Variants in FAT2 observed in about 807,000 individuals in gnomAD.
FAT2 encodes FAT atypical cadherin 2.
Under a neutral mutation model 295.3 loss-of-function variants are expected in FAT2, and 150 were observed. The ratio of observed to expected loss-of-function variants is 0.51; its 90% CI spans 0.44 to 0.58. The LOEUF is 0.58. FAT2 is among the 20% of genes least tolerant of loss of function. The probability of loss-of-function intolerance (pLI) is 0.00; values close to 1 mark genes in which losing one functional copy is unlikely to be tolerated. For missense variants in FAT2, 4,868 were observed against 5,442.7 expected, an observed-to-expected ratio of 0.89 and a Z score of 3.32; for synonymous variants, 2,026 against 2,150.3, an observed-to-expected ratio of 0.94 and a Z score of 1.60.
chr5:151,540,628 G>C lies in FAT2; in HGVS notation c.8978C>G (p.Ala2993Gly), dbSNP rs2127602433. 6.2e-7 allele frequency: 1 copy of C among 1,614,184 alleles called. No homozygotes were observed. Among genetic ancestry groups the C allele is most frequent in the Non-Finnish European group, 8.5e-7 (1 of 1,180,034 alleles). The change falls in exon 11 of 24, where the codon GCT becomes GGT. Residue 2993 changes from alanine to glycine, a missense_variant. Ala to Gly is a moderately conservative substitution (Grantham distance 60, BLOSUM62 0). Coordinates refer to ENST00000261800, the MANE Select transcript of FAT2 (RefSeq NM_001447.3). ...RVTASDGKFQ[A>G]SVTVEIFVLD... Reference sequence around the variant, plus strand: ...GACAAAGATCTCCACAGTGACCGAAGCCTGGAACTTGCCATCAGATGCTGT... The same window carrying C: ...GACAAAGATCTCCACAGTGACCGAACCCTGGAACTTGCCATCAGATGCTGT...
chr5:151,583,001 C>G (rs1166231747), intron 1 of FAT2, among the ~76,000 whole-genome samples: 1 of 152,162 alleles, frequency 6.6e-6, no homozygotes, highest in Non-Finnish European at 1.5e-5. Flanking sequence ...CTACACATAT[C>G]ACTGTCTGCA....
At chr5:151,532,422 A>C (rs2127592679) in intron 13 of FAT2, among the ~76,000 whole-genome samples, 1 of 151,444 alleles carries the variant, frequency 6.6e-6, no homozygotes, top group South Asian at 2.1e-4. Flanking sequence ...CACACACGCA[A>C]ATGAGTGCAT....
At chr5:151,529,121 G>GA in intron 15 of FAT2, 57 bp downstream of exon 15, 1 of 1,484,842 alleles carries the variant, frequency 6.7e-7, no homozygotes, top group South Asian at 1.1e-5. Flanking sequence ...GTGGGGGTGA[G>GA]ATAAGAACCC....
At chr5:151,537,095 A>C (rs1110430) in intron 12 of FAT2, among the ~76,000 whole-genome samples, 65,745 of 151,958 alleles carry the variant, frequency 0.43, 15,538 homozygotes, top group East Asian at 0.93. Context: ...CTCCGTAGCC[A>C]AAGTCAAGTT....
At position 151,545,935 on chromosome 5, in the gene FAT2, C is replaced by T. The variant is rs770352714; in HGVS notation, c.5192G>A (p.Arg1731Gln). 10 of 1,613,990 alleles carry T rather than the reference C, an allele frequency of 6.2e-6. No homozygotes were observed. The highest frequency in any genetic ancestry group is 3.3e-5 in the Admixed American group (2 of 60,006). ...EKISSYQLKI[R>Q]GSNMAGAFTD... is the part of the protein sequence containing the mutation. The stretch of plus-strand genomic sequence containing the variant: ...AAATGCACCTGCCATATTGCTGCCT[C>T]GGATTTTCAGCTGGTAAGACGAGAT... Residue 1731 changes from arginine to glutamine, a missense_variant, in exon 10 of 24, where the codon CGA (arginine) becomes CAA (glutamine). Arg to Gln is a conservative substitution (Grantham distance 43). Coordinates refer to ENST00000261800, the MANE Select transcript of FAT2 (RefSeq NM_001447.3).
Position 151,544,825 on chromosome 5 carries a change from G to T in FAT2, c.6302C>A (p.Thr2101Lys). The stretch of plus-strand genomic sequence containing the variant: ...AAATTCATATGTAACAGCCCCATTT[G>T]TCCCCAAGTCCTCATCAGTGGCAGA... ...QVSATDEDLGTNGAVTYEFAE... is the reference protein window; with the variant it reads ...QVSATDEDLGKNGAVTYEFAE... Residue 2101 changes from threonine (T) to lysine (K), a missense_variant, in exon 10 of 24, where the codon ACA becomes AAA. By Grantham distance (78) the Thr-to-Lys change is moderately conservative. Coordinates refer to ENST00000261800, the MANE Select transcript of FAT2 (RefSeq NM_001447.3). The T allele has an allele frequency of 6.2e-7, 1 of 1,614,184 alleles. No homozygotes were observed. Among genetic ancestry groups the T allele is most frequent in the Non-Finnish European group, 8.5e-7 (1 of 1,180,036 alleles).
Position 151,505,549 on chromosome 5 carries a change from C to T in FAT2, c.*16G>A, listed in dbSNP as rs772135393. On this transcript the variant is annotated 3_prime_UTR_variant, in exon 24 of 24. Coordinates refer to ENST00000261800, the MANE Select transcript of FAT2 (RefSeq NM_001447.3). ...AGTCCTTGGCCTCCCGCCTGCCTTGCTCTGGGAATGGGAAGCTAGAACATG... is the reference window on the plus strand; with the variant it reads ...AGTCCTTGGCCTCCCGCCTGCCTTGTTCTGGGAATGGGAAGCTAGAACATG... The T allele has an allele frequency of 6.2e-7, 1 of 1,613,948 alleles. No individual in the cohort carries two copies. Among genetic ancestry groups the T allele is most frequent in the Non-Finnish European group, 8.5e-7 (1 of 1,179,954 alleles).
chr5:151,546,041 C>T lies in FAT2; in HGVS notation c.5086G>A (p.Glu1696Lys), dbSNP rs779762332. The change falls in exon 10 of 24, where the codon GAG becomes AAG. Residue 1696 changes from glutamate to lysine, a missense_variant. Physicochemically the swap from Glu to Lys is moderately conservative, Grantham distance 56. Around this residue, in one of 5 missense-constraint regions of FAT2, gnomAD observed 3,297 missense variants for 3,669.4 expected, o/e 0.90. Transcript: ENST00000261800. ...GAGAAGACTCCATCCTTATTTCCCT[C>T]TCTTAACTCATAGGTAACTTCAGAG... The part of the protein sequence containing the change: ...SPSEVTYELR[E>K]GNKDGVFSMN... The T allele has an allele frequency of 6.2e-7, 1 of 1,614,042 alleles. No homozygotes were observed. The highest frequency in any genetic ancestry group is 1.3e-5 in the African/African-American group (1 of 74,920).
Position 151,553,363 on chromosome 5 carries a change from G to C in FAT2, c.3970C>G (p.Pro1324Ala), listed in dbSNP as rs2127627828. 6.2e-7 allele frequency: 1 copy of C among 1,614,220 alleles called. No individual in the cohort carries two copies. Among genetic ancestry groups the C allele is most frequent in the East Asian group, 2.2e-5 (1 of 44,882 alleles). The change falls in exon 6 of 24, where the codon CCA becomes GCA. Residue 1324 changes from proline (P) to alanine (A), a missense_variant. Around this residue, in one of 5 missense-constraint regions of FAT2, gnomAD observed 3,297 missense variants for 3,669.4 expected, o/e 0.90. Transcript: ENST00000261800. ...AGCCGGACACTGGCTGAGAGTGGTG[G>C]CTGCCCACTGTCTGTTGCCTTGATC... ...LTIKATDSGQ[P>A]PLSASVRLHI... is the part of the protein sequence containing the mutation.
chr5:151,527,463 A>G (rs990937851), intron 16 of FAT2, 86 bp from the exon 17 acceptor site: 1 of 1,365,406 alleles, frequency 7.3e-7, no homozygotes, highest in Non-Finnish European at 9.8e-7. Context: ...ATTTTCAAAA[A>G]AAATAAGAAG....
chr5:151,521,225 C>T (rs372036947), intron 19 of FAT2, 51 bp downstream of exon 19: 7 of 1,526,742 alleles, frequency 4.6e-6, no homozygotes, highest in Admixed American at 1.9e-5. Flanking sequence ...TAGAGTCAGG[C>T]GGGCTGAGCC....
At position 151,543,228 on chromosome 5, in the gene FAT2, G is replaced by A. The variant is rs143885034; in HGVS notation, c.7899C>T (p.Val2633=). The A allele has an allele frequency of 1.9e-5, 30 of 1,614,046 alleles. No homozygotes were observed. The highest frequency in any genetic ancestry group is 2.5e-5 in the Non-Finnish European group (30 of 1,180,042). ...CACCAGTGACTGGGTTAATTTCAAT[G>A]ACATCTTTAACTAGGTCCTCTGGGT... ...SVNPEDLVKD[V]IEINPVTGVV... The change falls in exon 10 of 24, where the codon GTC becomes GTT. Residue 2633 remains valine (V), a synonymous_variant. Transcript: ENST00000261800.
At chr5:151,509,408 G>A (rs934461461) in intron 22 of FAT2, 1 of 152,326 alleles carries the variant, frequency 6.6e-6, no homozygotes, top group African/African-American at 2.4e-5. Flanking sequence ...CCTGGGTCAC[G>A]GACCCATACT....
rs1223005000 is a variant in FAT2 at position 151,542,852 on chromosome 5, A to C, written c.8275T>G (p.Ser2759Ala). ...IKVRKPMDHE[S>A]TKLYQIDVMA... ...ACATCAATCTGGTACAATTTGGTGGATTCGTGGTCCATGGGCTTCCTCACC... is the reference window on the plus strand; with the variant it reads ...ACATCAATCTGGTACAATTTGGTGGCTTCGTGGTCCATGGGCTTCCTCACC... The change falls in exon 10 of 24, where the codon TCC becomes GCC. Residue 2759 changes from serine (S) to alanine (A), a missense_variant. Ser to Ala is a moderately conservative substitution (Grantham distance 99). Coordinates refer to ENST00000261800, the MANE Select transcript of FAT2 (RefSeq NM_001447.3). 2 of 1,614,046 alleles carry C rather than the reference A, an allele frequency of 1.2e-6. No individual in the cohort carries two copies. Among genetic ancestry groups the C allele is most frequent in the African/African-American group, 2.7e-5 (2 of 74,934 alleles).
chr5:151,534,978 T>TATATATATAC lies in FAT2; in HGVS notation c.9194-337_9194-336insGTATATATAT, dbSNP rs1163824415. ...AATTCCACTTCTAGGAAAATATATA[T>TATATATATAC]ATATATATATATATATATGTATACA... On this transcript the variant is annotated intron_variant, in intron 12 of 23. Transcript: ENST00000261800. Among the ~76,000 whole-genome samples, 14 of 138,776 alleles carry TATATATATAC rather than the reference T, an allele frequency of 1.0e-4. 4 individuals are homozygous for TATATATATAC. In the East Asian group the frequency reaches 3.1e-3, roughly 31 times the overall value. 91.0% of individuals were successfully genotyped at this position (138,776 alleles called of 152,430 possible). A position where few individuals can be genotyped will look rare whatever the true frequency, so the allele number is the denominator to read the frequency against.
In FAT2 at chr5:151,512,861, A is replaced by G. The variant is rs368333541; in HGVS notation, c.11464-255T>C. ...TCTCCATTCACAGATGAGGAAACTG[A>G]GGCCGAGAGATGCTTTGCTGATCAA... On this transcript the variant is annotated intron_variant, in intron 20 of 23. Coordinates refer to ENST00000261800, the MANE Select transcript of FAT2 (RefSeq NM_001447.3). The surrounding 1 kb of genome is among the most constrained non-coding windows in gnomAD (Gnocchi z 4.1). 5.6e-5 allele frequency: 29 copies of G among 518,968 alleles called. No homozygotes were observed. Among genetic ancestry groups the G allele is most frequent in the African/African-American group, 4.8e-4 (25 of 52,564 alleles). 32.1% of individuals were successfully genotyped at this position (518,968 alleles called of 1,614,324 possible).
chr5:151,525,836 C>T lies in FAT2; in HGVS notation c.10438G>A (p.Asp3480Asn), dbSNP rs2127584180. Reference sequence around the variant, plus strand: ...CCCTCAGCAGTCACCAGCCATCCATCCGGGGTCACTCGGAAGGCAGAGCCG... The same window carrying T: ...CCCTCAGCAGTCACCAGCCATCCATTCGGGGTCACTCGGAAGGCAGAGCCG... ...NNGSAFRVTP[D>N]GWLVTAEGLS... Residue 3480 changes from aspartate to asparagine, a missense_variant, in exon 18 of 24, where the codon GAT becomes AAT. Asp to Asn is a conservative substitution (Grantham distance 23). Coordinates refer to ENST00000261800, the MANE Select transcript of FAT2 (RefSeq NM_001447.3). 1 of 1,614,144 alleles carries T rather than the reference C, an allele frequency of 6.2e-7. No individual in the cohort carries two copies. The highest frequency in any genetic ancestry group is 8.5e-7 in the Non-Finnish European group (1 of 1,180,018).
At position 151,567,432 on chromosome 5, in the gene FAT2, T is replaced by A. The variant is rs754548579; in HGVS notation, c.1500A>T (p.Pro500=). ...GGTCAATAGAAAATGGCAAAGCTTT[T>A]GGTCCAGCAATGGAATAGGTGACAT... ...NGYVTYSIAG[P]KALPFSIDPY... is the part of the protein sequence containing the mutation. The change falls in exon 2 of 24, where the codon CCA becomes CCT. Residue 500 remains proline, a synonymous_variant. Transcript: ENST00000261800. The A allele has an allele frequency of 1.2e-6, 2 of 1,614,224 alleles. No individual in the cohort carries two copies. The highest frequency in any genetic ancestry group is 1.7e-6 in the Non-Finnish European group (2 of 1,180,036).
At position 151,568,603 on chromosome 5, in the gene FAT2, T is replaced by C. The variant is rs1758393363; in HGVS notation, c.329A>G (p.Glu110Gly). The change falls in exon 2 of 24, where the codon GAG becomes GGG. Residue 110 changes from glutamate (E) to glycine (G), a missense_variant. Glu to Gly is a moderately conservative substitution (Grantham distance 98, BLOSUM62 -2). This residue lies in a region of FAT2 where 3,297 missense variants were observed against 3,669.4 expected (regional missense o/e 0.90). Coordinates refer to ENST00000261800, the MANE Select transcript of FAT2 (RefSeq NM_001447.3). ...GATGAGGGTGTAGCTGTCTCGCACC[T>C]CTCTGTTCAGAAGAGCTGTGTTGCT... ...KSSNTALLNR[E>G]VRDSYTLIIQ... 1 of 1,614,030 alleles carries C rather than the reference T, an allele frequency of 6.2e-7. No homozygotes were observed. The highest frequency in any genetic ancestry group is 1.3e-5 in the African/African-American group (1 of 74,916).
Sources: allele counts gnomAD v4.1 joint callset (sites outside exome capture counted in the v4.1 genomes callset), GRCh38; gene constraint gnomAD v4.1.1; regional missense constraint gnomAD v4.1.1; non-coding constraint Gnocchi (gnomAD v3.1); transcripts MANE v1.5; gene names NCBI Gene and HGNC (gene_info 2026-07-23, HGNC 2026-07-21).